The following PPP6R2 variants were observed in gnomAD, a reference collection of about 807,000 sequenced individuals.
PPP6R2 encodes serine/threonine-protein phosphatase 6 regulatory subunit 2.
PPP6R2 carries 62 observed loss-of-function variants against 100.2 expected under a neutral mutation model. The ratio of observed to expected loss-of-function variants is 0.62; its 90% confidence interval spans 0.50 to 0.76. PPP6R2 has a LOEUF of 0.76. Among genes scored for constraint, PPP6R2 ranks in the 30% least tolerant of loss-of-function variants. The pLI is 0.00. For missense variants in PPP6R2, 1,142 were observed against 1,276.3 expected, an observed-to-expected ratio of 0.89 and a Z score of 1.60; for synonymous variants, 525 against 514.7, an observed-to-expected ratio of 1.02 and a Z score of -0.27.
chr22:50,349,811 A>G (rs923238508), intron 1 of PPP6R2, among the ~76,000 whole-genome samples: 38 of 140,628 alleles, frequency 2.7e-4, no homozygotes, highest in African/African-American at 4.5e-4. Flanking sequence ...GTGAAACTCC[A>G]TCTTAAAAAA....
chr22:50,427,950 G>C (rs978050767), intron 10 of PPP6R2, among the ~76,000 whole-genome samples: 24 of 152,350 alleles, frequency 1.6e-4, no homozygotes, highest in African/African-American at 5.8e-4. Context: ...TCGATCTCCT[G>C]ACCTCGTGAT....
chr22:50,394,400 G>C (rs1168327190), intron 3 of PPP6R2, among the ~76,000 whole-genome samples: 1 of 151,536 alleles, frequency 6.6e-6, no homozygotes, highest in Non-Finnish European at 1.5e-5. Context: ...TTTGAGACCA[G>C]CCTGGGCAAC....
At chr22:50,385,424 C>G (rs1350721911) in intron 2 of PPP6R2, among the ~76,000 whole-genome samples, 1 of 151,884 alleles carries the variant, frequency 6.6e-6, no homozygotes, top group East Asian at 1.9e-4. Context: ...GTCTCAAACT[C>G]CTGACCTCAG....
intron 2 of PPP6R2, among the ~76,000 whole-genome samples, chr22:50,390,397 A>G (rs1376277878): frequency 6.6e-6 from 1 of 152,206 alleles, no homozygotes; most frequent in Non-Finnish European, 1.5e-5. Context: ...GAATGGTGAG[A>G]TTGGTGTACT....
intron 2 of PPP6R2, among the ~76,000 whole-genome samples, chr22:50,379,462 C>G (rs2052404166): frequency 6.6e-6 from 1 of 152,086 alleles, no homozygotes; most frequent in African/African-American, 2.4e-5. Flanking sequence ...CACCACTGCA[C>G]TCTAGCCTGG....
intron 4 of PPP6R2, among the ~76,000 whole-genome samples, chr22:50,407,887 T>C (rs2059197842): frequency 6.6e-6 from 1 of 151,994 alleles, no homozygotes; most frequent in Non-Finnish European, 1.5e-5. Context: ...AGTATGTATG[T>C]ACATTTATTT....
chr22:50,334,768 C>G, the PPP6R2 span, among the ~76,000 whole-genome samples: 2 of 152,044 alleles, frequency 1.3e-5, no homozygotes, highest in Non-Finnish European at 2.9e-5. Flanking sequence ...GAGTTCAAGA[C>G]CAGCCTGGCA....
At chr22:50,427,225 G>T (rs1192511689) in intron 10 of PPP6R2, among the ~76,000 whole-genome samples, 2 of 151,912 alleles carry the variant, frequency 1.3e-5, no homozygotes, top group Non-Finnish European at 2.9e-5. Context: ...TGTGTGCAAA[G>T]GTTTCTTTCT....
intron 4 of PPP6R2, among the ~76,000 whole-genome samples, chr22:50,414,017 A>G (rs2060135462): frequency 6.6e-6 from 1 of 152,132 alleles, no homozygotes; most frequent in African/African-American, 2.4e-5. Context: ...CCTTGTTGGC[A>G]CTGGTCATCA....
chr22:50,352,077 G>A (rs2045417249), intron 1 of PPP6R2, among the ~76,000 whole-genome samples: 1 of 151,894 alleles, frequency 6.6e-6, no homozygotes, highest in African/African-American at 2.4e-5. Flanking sequence ...TTACAGGCGT[G>A]AGCCACCGCA....
At chr22:50,430,356 G>T (rs1208628668) in intron 10 of PPP6R2, among the ~76,000 whole-genome samples, 4 of 152,228 alleles carry the variant, frequency 2.6e-5, no homozygotes, top group African/African-American at 7.2e-5. Flanking sequence ...TGCCCATCCT[G>T]GGTGGAATCC....
At chr22:50,386,596 C>G (rs1265650920) in intron 2 of PPP6R2, among the ~76,000 whole-genome samples, 2 of 152,192 alleles carry the variant, frequency 1.3e-5, no homozygotes, top group Non-Finnish European at 2.9e-5. Context: ...AAGCACATTT[C>G]TTTCTCCTCT....
intron 23 of PPP6R2, 38 bp from the exon 24 acceptor site, chr22:50,444,161 G>A (rs6010031): frequency 0.26 from 418,213 of 1,611,326 alleles, 56,160 homozygotes; most frequent in Middle Eastern, 0.31. Flanking sequence ...GACAGGGCCC[G>A]CAGCCCGCAC....
chr22:50,360,157 A>AT (rs1428395068), intron 1 of PPP6R2, among the ~76,000 whole-genome samples: 2 of 150,936 alleles, frequency 1.3e-5, no homozygotes, highest in Non-Finnish European at 2.9e-5. Context: ...GGTTCAAGCG[A>AT]TTCTCCTGCC....
At chr22:50,434,153 G>C (rs1342333063) in intron 12 of PPP6R2, among the ~76,000 whole-genome samples, 1 of 60,972 alleles carries the variant, frequency 1.6e-5, no homozygotes, top group Admixed American at 1.6e-4. Context: ...ACCTGGAGGA[G>C]GGCCGGGGGC....
At chr22:50,405,837 AAGGCCTGGAGGGAGGTGAG>A in intron 3 of PPP6R2, among the ~76,000 whole-genome samples, 1 of 65,128 alleles carries the variant, frequency 1.5e-5, no homozygotes, top group Admixed American at 2.3e-4. Flanking sequence ...GGTGAGTGTG[AAGGCCTGGAGGGAGGTGAG>A]AGGCCTGGAG....
chr22:50,393,976 C>T lies in PPP6R2; in HGVS notation c.68C>T (p.Thr23Met), dbSNP rs142606064. ...AAGCTGCTGGACAAGGAGCATGTGA[C>T]GCTGCAGGAGTTAATGGATGAAGAT... ...VDKLLDKEHV[T>M]LQELMDEDDI... The change falls in exon 3 of 24, where the codon ACG (threonine) becomes ATG (methionine). Residue 23 changes from threonine (T) to methionine (M), a missense_variant. Transcript: ENST00000612753. 5.5e-5 allele frequency: 88 copies of T among 1,614,040 alleles called. No individual in the cohort carries two copies. Among genetic ancestry groups the T allele is most frequent in the Non-Finnish European group, 6.9e-5 (81 of 1,180,036 alleles).
At chr22:50,342,645 A>G (rs765739310), upstream of PPP6R2, among the ~76,000 whole-genome samples, 4 of 152,390 alleles carry the variant, frequency 2.6e-5, no homozygotes, top group Non-Finnish European at 5.9e-5. Flanking sequence ...TGTTTTCCCA[A>G]CATTTACCCA....
At chr22:50,366,190 C>T (rs916965881) in intron 1 of PPP6R2, among the ~76,000 whole-genome samples, 10 of 152,114 alleles carry the variant, frequency 6.6e-5, no homozygotes, top group African/African-American at 1.9e-4. Flanking sequence ...GCTAGTTTTG[C>T]TCTGCCACTG....
Sources: gnomAD v4.1 joint callset for allele counts (sites outside exome capture counted in the v4.1 genomes callset) on GRCh38, gnomAD v4.1.1 for gene constraint, MANE v1.5 for transcripts, NCBI Gene and HGNC (gene_info 2026-07-23, HGNC 2026-07-21) for gene names.